The following SKA1 variants were observed in gnomAD, a reference collection of about 807,000 sequenced individuals.
SKA1 encodes spindle and kinetochore associated complex subunit 1, also known as SKA complex subunit 1.
In SKA1, 20 loss-of-function variants were observed where a neutral mutation model predicts 31.8. That is an observed-to-expected ratio of 0.63 (90% CI 0.44 to 0.91). The LOEUF (loss-of-function observed/expected upper bound fraction) is 0.91. Among genes scored for constraint, SKA1 ranks in the 40% least tolerant of loss-of-function variants. The probability of loss-of-function intolerance (pLI) is 0.00; values close to 1 mark genes in which losing one functional copy is unlikely to be tolerated. For synonymous variants in SKA1, 88 were observed against 100.5 expected (o/e 0.88, Z 0.74); for missense variants, 253 against 298.2 (o/e 0.85, Z 1.12).
intron 2 of SKA1, among the ~76,000 whole-genome samples, chr18:50,378,674 CAAAAAA>C (rs60131407): frequency 0.017 from 2,149 of 130,110 alleles, 52 homozygotes; most frequent in African/African-American, 0.054. Context: ...GACCCTGTCT[CAAAAAA>C]AAAAAAAAAA....
At position 50,375,052 on chromosome 18, in the gene SKA1, C is replaced by T. The variant is rs2041201778; in HGVS notation, c.-154C>T. On this transcript the variant is annotated 5_prime_UTR_variant, in exon 1 of 7. Transcript: ENST00000285116. ...GCGCTTCGGAAGCATGGATGTGCGCCTGCGCTGCGCTAGGGCGCGGCGGGC... is the reference window on the plus strand; with the variant it reads ...GCGCTTCGGAAGCATGGATGTGCGCTTGCGCTGCGCTAGGGCGCGGCGGGC... 6.6e-6 allele frequency: 1 copy of T among 152,430 alleles called. No individual in the cohort carries two copies. The highest frequency in any genetic ancestry group is 1.5e-5 in the Non-Finnish European group (1 of 68,198). 9.4% of individuals were successfully genotyped at this position (152,430 alleles called of 1,614,324 possible).
At chr18:50,390,878 TATA>T (rs1244203090) in intron 5 of SKA1, among the ~76,000 whole-genome samples, 3 of 152,222 alleles carry the variant, frequency 2.0e-5, no homozygotes, top group Admixed American at 2.0e-4. Context: ...TATTTAAAAT[TATA>T]ATATCAGTTC....
intron 5 of SKA1, among the ~76,000 whole-genome samples, chr18:50,389,371 C>CTTTTTTTTTTTTTTT (rs2041337634): frequency 7.9e-6 from 1 of 127,064 alleles, no homozygotes; most frequent in Non-Finnish European, 1.6e-5. Flanking sequence ...TTTCCTTTAC[C>CTTTTTTTTTTTTTTT]TTTCTTTTTT....
At chr18:50,386,169 A>C (rs2041306016) in intron 5 of SKA1, among the ~76,000 whole-genome samples, 1 of 150,678 alleles carries the variant, frequency 6.6e-6, no homozygotes, top group Non-Finnish European at 1.5e-5. Flanking sequence ...TTCTATCATT[A>C]ATAGTCATAT....
intron 6 of SKA1, 89 bp from the exon 7 acceptor site, chr18:50,392,009 CT>C (rs755022771): frequency 1.0e-6 from 1 of 982,902 alleles, no homozygotes; most frequent in Non-Finnish European, 1.5e-6. Context: ...GTAAAAACGA[CT>C]AATACCATTC....
At chr18:50,384,250 G>A (rs1302409947) in intron 4 of SKA1, among the ~76,000 whole-genome samples, 3 of 152,064 alleles carry the variant, frequency 2.0e-5, no homozygotes, top group African/African-American at 4.8e-5. Context: ...CATAATAACA[G>A]GTATAAGAAA....
intron 5 of SKA1, among the ~76,000 whole-genome samples, chr18:50,390,035 G>A (rs2041344243): frequency 1.3e-5 from 2 of 152,168 alleles, no homozygotes; most frequent in Non-Finnish European, 2.9e-5. Context: ...AGTTAAAGTG[G>A]AAAACATTGA....
chr18:50,382,515 T>A (rs2041271450), intron 4 of SKA1, among the ~76,000 whole-genome samples: 1 of 152,028 alleles, frequency 6.6e-6, no homozygotes, highest in Non-Finnish European at 1.5e-5. Context: ...GTTTGTTCCT[T>A]GACATTTTAG....
intron 2 of SKA1, 103 bp from the exon 3 acceptor site, chr18:50,380,023 C>T: frequency 5.2e-6 from 5 of 963,616 alleles, no homozygotes; most frequent in Non-Finnish European, 7.3e-6. Flanking sequence ...CTTTTTCCAC[C>T]CCTCTCTAAG....
At chr18:50,389,375 C>CTTTTTTTTTTTTTTTTTTTTTTTTT (rs756288352) in intron 5 of SKA1, among the ~76,000 whole-genome samples, 3 of 86,138 alleles carry the variant, frequency 3.5e-5, no homozygotes, top group African/African-American at 1.5e-4. Context: ...CTTTACCTTT[C>CTTTTTTTTTTTTTTTTTTTTTTTTT]TTTTTTTTTT....
intron 5 of SKA1, among the ~76,000 whole-genome samples, chr18:50,389,607 G>C (rs2041341348): frequency 6.6e-6 from 1 of 151,992 alleles, no homozygotes; most frequent in Admixed American, 6.6e-5. Flanking sequence ...ATGTTGGCCA[G>C]GCTGGTCTCA....
At chr18:50,384,872 A>T (rs12960059) in intron 4 of SKA1, among the ~76,000 whole-genome samples, 30,059 of 68,554 alleles carry the variant, frequency 0.44, 4,665 homozygotes, top group Admixed American at 0.52. Flanking sequence ...AAAAAAAATT[A>T]AAAAAAAAAA....
At chr18:50,379,001 T>C (rs1296509480) in intron 2 of SKA1, among the ~76,000 whole-genome samples, 1 of 152,148 alleles carries the variant, frequency 6.6e-6, no homozygotes, top group African/African-American at 2.4e-5. Flanking sequence ...AGTAATGAGG[T>C]AGGTACTTGG....
At chr18:50,384,871 T>TAAAAAAAAAAAAAAAAAAAAGAAAA (rs10608403) in intron 4 of SKA1, among the ~76,000 whole-genome samples, 1 of 82,600 alleles carries the variant, frequency 1.2e-5, no homozygotes, top group Non-Finnish European at 2.1e-5. Flanking sequence ...AAAAAAAAAT[T>TAAAAAAAAAAAAAAAAAAAAGAAAA]AAAAAAAAAA....
chr18:50,378,391 A>C (rs1200075062), intron 2 of SKA1, among the ~76,000 whole-genome samples: 3 of 152,194 alleles, frequency 2.0e-5, no homozygotes, highest in Non-Finnish European at 4.4e-5. Flanking sequence ...AGATTACTAC[A>C]TAAAAAACAG....
chr18:50,376,435 C>T (rs2041216204), intron 2 of SKA1, among the ~76,000 whole-genome samples: 1 of 152,162 alleles, frequency 6.6e-6, no homozygotes, highest in Admixed American at 6.5e-5. Flanking sequence ...AAGTGTAACA[C>T]AATGGTGAGT....
At chr18:50,392,031 C>G (rs554335889) in intron 6 of SKA1, 68 bp from the exon 7 acceptor site, 94 of 1,238,994 alleles carry the variant, frequency 7.6e-5, no homozygotes, top group Non-Finnish European at 9.9e-5. Context: ...ATATTCACAA[C>G]TTAATGTATT....
chr18:50,391,317 G>A lies in SKA1; in HGVS notation c.619+24G>A, dbSNP rs745851506. The A allele has an allele frequency of 1.9e-6, 3 of 1,554,416 alleles. No individual in the cohort carries two copies. In the African/African-American group the frequency reaches 4.2e-5, roughly 22 times the overall value. On this transcript the variant is annotated intron_variant, in intron 6 of 6. Coordinates refer to ENST00000285116, the MANE Select transcript of SKA1 (RefSeq NM_145060.4). ...AGGTAAAATGGCAGCATATATGTGT[G>A]TACATGTGAACTGTTCAGAGTATAA...
rs144036869 is a variant in SKA1, at chr18:50,389,649, G to A, written c.450-1475G>A. Among the ~76,000 whole-genome samples the A allele has an allele frequency of 7.8e-3, 1,193 of 152,090 alleles. 31 individuals are homozygous for A. The East Asian group carries it at 0.084, about 11-fold the overall frequency. ...TGACCTCAAGTGATCCACCTGCCTC[G>A]GCCTCCCAAAGTGCTGAGATTACAG... is the stretch of plus-strand genomic sequence containing the variant. On this transcript the variant is annotated intron_variant, in intron 5 of 6. Transcript: ENST00000285116.
Sources: allele counts gnomAD v4.1 joint callset (sites outside exome capture counted in the v4.1 genomes callset), GRCh38; gene constraint gnomAD v4.1.1; transcripts MANE v1.5; gene names NCBI Gene and HGNC (gene_info 2026-07-23, HGNC 2026-07-21).